ESYT2: variants seen among roughly 807,000 people sequenced by gnomAD.
ESYT2 encodes the protein extended synaptotagmin-2.
In ESYT2, 54 loss-of-function variants were observed where a neutral mutation model predicts 107.2. The observed-to-expected ratio is 0.50, with a 90% CI of 0.40 to 0.63. The LOEUF (loss-of-function observed/expected upper bound fraction) is 0.63. Ranked by LOEUF, ESYT2 falls within the 30% of genes least tolerant of loss-of-function variation. ESYT2 has a pLI of 0.00. For missense variants in ESYT2, 1,020 were observed against 1,094.5 expected, an observed-to-expected ratio of 0.93 and a Z score of 0.96; for synonymous variants, 491 against 434.1, an observed-to-expected ratio of 1.13 and a Z score of -1.63.
intron 1 of ESYT2, among the ~76,000 whole-genome samples, chr7:158,819,033 C>G (rs746990061): frequency 2.0e-5 from 3 of 152,232 alleles, no homozygotes; most frequent in Non-Finnish European, 4.4e-5. Flanking sequence ...AATTGTGCTA[C>G]ACGAAACCAT....
chr7:158,820,716 G>A (rs554556522), intron 1 of ESYT2, among the ~76,000 whole-genome samples: 1 of 152,332 alleles, frequency 6.6e-6, no homozygotes, highest in East Asian at 1.9e-4. Context: ...AGCCCAGTAG[G>A]TTGAGGCTGC....
intron 7 of ESYT2, 96 bp downstream of exon 7, chr7:158,773,245 C>T (rs1838437312): frequency 1.1e-5 from 15 of 1,338,924 alleles, no homozygotes; most frequent in Middle Eastern, 3.6e-4. Flanking sequence ...ACCTGGCAGA[C>T]GCAGGTCTTA....
chr7:158,749,844 G>C, intron 14 of ESYT2, 121 bp from the exon 15 acceptor site: 1 of 834,370 alleles, frequency 1.2e-6, no homozygotes, highest in Non-Finnish European at 1.8e-6. Context: ...ATATTTAAGG[G>C]AATATCTGGG....
In ESYT2 at chr7:158,829,228, A is replaced by G; in HGVS notation, c.191T>C (p.Leu64Pro). Residue 64 changes from leucine (L) to proline (P), a missense_variant, in exon 1 of 23, where the codon CTC becomes CCC. Physicochemically the swap from Leu to Pro is moderately conservative, Grantham distance 98. Coordinates refer to ENST00000275418, the MANE Select transcript of ESYT2 (RefSeq NM_001367773.1). The part of the protein sequence containing the change: ...GYLGLSFSWV[L>P]LALALLAWCR... ...CCAGGCGAGCAGCGCGAGCGCGAGGAGAACCCAGCTGAAGCTGAGCCCCAG... is the reference window on the plus strand; with the variant it reads ...CCAGGCGAGCAGCGCGAGCGCGAGGGGAACCCAGCTGAAGCTGAGCCCCAG... 6.5e-7 allele frequency: 1 copy of G among 1,529,520 alleles called. No homozygotes were observed. Among genetic ancestry groups the G allele is most frequent in the Non-Finnish European group, 8.7e-7 (1 of 1,146,114 alleles). 94.7% of individuals were successfully genotyped at this position (1,529,520 alleles called of 1,614,324 possible).
intron 6 of ESYT2, among the ~76,000 whole-genome samples, chr7:158,778,084 C>T (rs923994834): frequency 6.6e-6 from 1 of 152,144 alleles, no homozygotes; most frequent in African/African-American, 2.4e-5. Context: ...ATATTTTATA[C>T]GTCAGTCTTG....
intron 1 of ESYT2, among the ~76,000 whole-genome samples, chr7:158,826,979 A>G (rs1345677311): frequency 2.6e-5 from 4 of 151,540 alleles, no homozygotes; most frequent in African/African-American, 9.7e-5. Flanking sequence ...CCTGGCCAAC[A>G]TGGTGAAACC....
At chr7:158,824,619 A>G (rs1840384943) in intron 1 of ESYT2, among the ~76,000 whole-genome samples, 2 of 152,216 alleles carry the variant, frequency 1.3e-5, no homozygotes, top group Non-Finnish European at 1.5e-5. Context: ...CAAGGAAGCT[A>G]ATATGCTTTA....
chr7:158,749,557 G>T, intron 15 of ESYT2, 92 bp downstream of exon 15: 1 of 1,184,080 alleles, frequency 8.4e-7, no homozygotes. Context: ...ACAACTGAAT[G>T]TATTTGCAAC....
intron 6 of ESYT2, among the ~76,000 whole-genome samples, chr7:158,785,788 G>A (rs1047471703): frequency 3.9e-5 from 6 of 152,066 alleles, no homozygotes; most frequent in Admixed American, 1.3e-4. Flanking sequence ...CTCCAACTTC[G>A]TCACCTCAGC....
chr7:158,793,100 A>G lies in ESYT2; in HGVS notation c.584+550T>C, dbSNP rs564314346. Among the ~76,000 whole-genome samples, 98 of 152,006 alleles carry G rather than the reference A, an allele frequency of 6.4e-4. 1 individual carries two copies. Among genetic ancestry groups the G allele is most frequent in the African/African-American group, 2.2e-3 (93 of 41,478 alleles). On this transcript the variant is annotated intron_variant, in intron 4 of 22. Coordinates refer to ENST00000275418, the MANE Select transcript of ESYT2 (RefSeq NM_001367773.1). The stretch of plus-strand genomic sequence containing the variant: ...TATGTTAACTGTGGGGTTTTCTTAT[A>G]TGGTTTTTATTATGTTGAGTTAGTT...
chr7:158,738,409 G>A (rs1001551401), intron 19 of ESYT2, among the ~76,000 whole-genome samples: 1 of 150,304 alleles, frequency 6.7e-6, no homozygotes, highest in Non-Finnish European at 1.5e-5. Flanking sequence ...CATTTGTACA[G>A]TATGCTACTG....
intron 6 of ESYT2, among the ~76,000 whole-genome samples, chr7:158,786,897 A>C (rs2129473176): frequency 6.6e-6 from 1 of 152,346 alleles, no homozygotes; most frequent in East Asian, 1.9e-4. Flanking sequence ...TCAAAGAGCT[A>C]ACAATAACTG....
In ESYT2 at chr7:158,788,284, G is replaced by C. The variant is rs796607907; in HGVS notation, c.657+61C>G. 5 of 1,472,232 alleles carry C rather than the reference G, an allele frequency of 3.4e-6. No individual in the cohort carries two copies. The African/African-American group carries it at 7.1e-5, about 21-fold the overall frequency. 91.2% of individuals were successfully genotyped at this position (1,472,232 alleles called of 1,614,324 possible). On this transcript the variant is annotated intron_variant, in intron 5 of 22. Coordinates refer to ENST00000275418, the MANE Select transcript of ESYT2 (RefSeq NM_001367773.1). ...AAAAAAACTTCCTAATTTTATTTTTGAATACAGCTTAGAGAACTTTAGAAA... is the reference window on the plus strand; with the variant it reads ...AAAAAAACTTCCTAATTTTATTTTTCAATACAGCTTAGAGAACTTTAGAAA...
At chr7:158,771,785 G>A (rs1051317576) in intron 7 of ESYT2, among the ~76,000 whole-genome samples, 1 of 152,164 alleles carries the variant, frequency 6.6e-6, no homozygotes, top group African/African-American at 2.4e-5. Context: ...CAGGCAGTGG[G>A]CGCCCATTGT....
At position 158,768,136 on chromosome 7, in the gene ESYT2, A is replaced by C. The variant is rs1172254542; in HGVS notation, c.804-362T>G. ...GTATTCCTACTTCATCACAGATTTT[A>C]TACTTATTTACTAAAATACACCTCA... On this transcript the variant is annotated intron_variant, in intron 7 of 22. Coordinates refer to ENST00000275418, the MANE Select transcript of ESYT2 (RefSeq NM_001367773.1). Among the ~76,000 whole-genome samples the C allele has an allele frequency of 2.0e-5, 3 of 152,230 alleles. No homozygotes were observed. The East Asian group carries it at 5.8e-4, about 29-fold the overall frequency.
At chr7:158,795,544 G>A (rs750546004) in intron 3 of ESYT2, among the ~76,000 whole-genome samples, 3 of 152,192 alleles carry the variant, frequency 2.0e-5, no homozygotes, top group Non-Finnish European at 4.4e-5. Context: ...GGCTGTAGAA[G>A]AAGGGAGGGA....
intron 1 of ESYT2, among the ~76,000 whole-genome samples, chr7:158,821,794 G>A (rs1227763823): frequency 4.6e-5 from 7 of 152,260 alleles, no homozygotes; most frequent in Admixed American, 1.3e-4. Flanking sequence ...CAGATGAGAC[G>A]GCCCAGAAAT....
chr7:158,739,362 T>C (rs1225709189), intron 18 of ESYT2, among the ~76,000 whole-genome samples: 1 of 152,242 alleles, frequency 6.6e-6, no homozygotes, highest in Non-Finnish European at 1.5e-5. Flanking sequence ...TTTTTGTTTT[T>C]TGAGACGGAG....
chr7:158,777,725 A>C (rs1838619243), intron 6 of ESYT2, among the ~76,000 whole-genome samples: 1 of 152,222 alleles, frequency 6.6e-6, no homozygotes, highest in Non-Finnish European at 1.5e-5. Flanking sequence ...GCCCAGTCTC[A>C]GGTAGAATCT....
Sources: gnomAD v4.1 joint callset for allele counts (sites outside exome capture counted in the v4.1 genomes callset) on GRCh38, gnomAD v4.1.1 for gene constraint, MANE v1.5 for transcripts, NCBI Gene and HGNC (gene_info 2026-07-23, HGNC 2026-07-21) for gene names.